TOM1L1: variants seen among roughly 807,000 people sequenced by gnomAD.
TOM1L1 encodes target of myb1 like 1 membrane trafficking protein.
TOM1L1 carries 64 observed loss-of-function variants against 63.4 expected under a neutral mutation model. The ratio of observed to expected loss-of-function variants is 1.01; its 90% CI spans 0.83 to 1.24. TOM1L1 has a LOEUF of 1.24. Ranked by LOEUF, TOM1L1 falls within the 50% of genes most tolerant of loss-of-function variation. The pLI, the probability that TOM1L1 is intolerant of heterozygous loss-of-function variation, is 0.00. For missense variants in TOM1L1, 536 were observed against 567.0 expected, an observed-to-expected ratio of 0.95 and a Z score of 0.55; for synonymous variants, 166 against 194.4, an observed-to-expected ratio of 0.85 and a Z score of 1.22.
At chr17:54,941,486 C>T (rs2049031972) in intron 11 of TOM1L1, among the ~76,000 whole-genome samples, 1 of 152,082 alleles carries the variant, frequency 6.6e-6, no homozygotes, top group African/African-American at 2.4e-5. Flanking sequence ...CTTGTTTTGG[C>T]TACATGCAAT....
rs764454143 is a variant in TOM1L1 at position 54,900,917 on chromosome 17, C to G, written c.52C>G (p.Leu18Val). 6 of 1,613,950 alleles carry G rather than the reference C, an allele frequency of 3.7e-6. No homozygotes were observed. The Admixed American group carries it at 1.0e-4, about 27-fold the overall frequency. ...TCCCTACGCGACCTCCGTGGGCCACCTCATAGGTAAGGAGGCGCGGGGAGA... is the reference window on the plus strand; with the variant it reads ...TCCCTACGCGACCTCCGTGGGCCACGTCATAGGTAAGGAGGCGCGGGGAGA... ...RDPYATSVGH[L>V]IEKATFAGVQ... The change falls in exon 1 of 16, where the codon CTC becomes GTC. Residue 18 changes from leucine to valine, a missense_variant. By Grantham distance (32) the Leu-to-Val change is conservative. Coordinates refer to ENST00000575882, the MANE Select transcript of TOM1L1 (RefSeq NM_005486.3).
chr17:54,911,689 C>CT (rs1177295847), intron 3 of TOM1L1, among the ~76,000 whole-genome samples: 1 of 152,134 alleles, frequency 6.6e-6, no homozygotes, highest in African/African-American at 2.4e-5. Context: ...TAGTTTAGGC[C>CT]TTTTCTATAA....
At chr17:54,922,472 A>G (rs2048700612) in intron 7 of TOM1L1, among the ~76,000 whole-genome samples, 1 of 151,968 alleles carries the variant, frequency 6.6e-6, no homozygotes, top group South Asian at 2.1e-4. Context: ...GCATGGTGGT[A>G]CATGCCTGTG....
At chr17:54,934,865 A>G (rs1490719339) in intron 8 of TOM1L1, among the ~76,000 whole-genome samples, 1 of 151,970 alleles carries the variant, frequency 6.6e-6, no homozygotes, top group Non-Finnish European at 1.5e-5. Flanking sequence ...TTAGAGACAC[A>G]TGCCACCACG....
At chr17:54,953,341 C>T (rs2049330189) in intron 14 of TOM1L1, 1 of 152,408 alleles carries the variant, frequency 6.6e-6, no homozygotes, top group Admixed American at 6.5e-5. Flanking sequence ...TGCACTCCAG[C>T]CTGGGTAACA....
At chr17:54,923,889 G>C (rs1220624446) in intron 7 of TOM1L1, among the ~76,000 whole-genome samples, 1 of 152,084 alleles carries the variant, frequency 6.6e-6, no homozygotes, top group South Asian at 2.1e-4. Flanking sequence ...GGAGGTTGAG[G>C]CAGTGAGCTG....
intron 7 of TOM1L1, among the ~76,000 whole-genome samples, chr17:54,923,390 C>T (rs1430776392): frequency 1.3e-5 from 2 of 151,824 alleles, no homozygotes; most frequent in Admixed American, 6.6e-5. Flanking sequence ...ACAATGAATA[C>T]TTGTTATTTT....
At chr17:54,921,353 A>G (rs951045426) in intron 7 of TOM1L1, among the ~76,000 whole-genome samples, 6 of 152,222 alleles carry the variant, frequency 3.9e-5, no homozygotes, top group African/African-American at 7.2e-5. Context: ...CAAATTCTAT[A>G]TAGCATTTTT....
At chr17:54,960,077 A>G (rs1041556850) in intron 14 of TOM1L1, among the ~76,000 whole-genome samples, 2 of 152,070 alleles carry the variant, frequency 1.3e-5, no homozygotes, top group African/African-American at 4.8e-5. Context: ...AATTGCAACA[A>G]TAAGGCCGGG....
intron 8 of TOM1L1, among the ~76,000 whole-genome samples, chr17:54,931,976 GTTTT>G (rs2048869450): frequency 1.9e-4 from 23 of 124,114 alleles, no homozygotes; most frequent in South Asian, 1.1e-3. Context: ...TTGTTTGTTT[GTTTT>G]TTTGAGATGG....
chr17:54,953,623 A>T (rs2049345477), intron 14 of TOM1L1: 1 of 152,250 alleles, frequency 6.6e-6, no homozygotes, highest in South Asian at 2.1e-4. Context: ...CAGTGTAGGC[A>T]GGCCCTGAGT....
At chr17:54,947,401 C>T in intron 12 of TOM1L1, 89 bp downstream of exon 12, 2 of 1,442,846 alleles carry the variant, frequency 1.4e-6, no homozygotes, top group African/African-American at 2.8e-5. Flanking sequence ...TTCCCATGTT[C>T]TGCTCAGTAT....
intron 7 of TOM1L1, among the ~76,000 whole-genome samples, chr17:54,925,231 C>T (rs1161698686): frequency 6.6e-6 from 1 of 151,848 alleles, no homozygotes; most frequent in Admixed American, 6.6e-5. Flanking sequence ...ATTACATAGA[C>T]AAGAAGAGGG....
intron 3 of TOM1L1, among the ~76,000 whole-genome samples, chr17:54,909,123 G>T (rs12939005): frequency 0.2 from 30,287 of 152,064 alleles, 3,211 homozygotes; most frequent in South Asian, 0.26. Context: ...GCCAGTCATG[G>T]TGGCATGTGA....
At chr17:54,949,018 A>T (rs2049166124) in intron 12 of TOM1L1, among the ~76,000 whole-genome samples, 1 of 152,166 alleles carries the variant, frequency 6.6e-6, no homozygotes, top group Non-Finnish European at 1.5e-5. Context: ...TTAGGCATAA[A>T]ATCAGACAAA....
chr17:54,920,418 T>C (rs1007924094), intron 7 of TOM1L1, among the ~76,000 whole-genome samples: 2 of 152,100 alleles, frequency 1.3e-5, no homozygotes, highest in Non-Finnish European at 2.9e-5. Flanking sequence ...CCAAATCCCA[T>C]TGAAATGACA....
intron 7 of TOM1L1, among the ~76,000 whole-genome samples, chr17:54,919,725 T>C (rs979008033): frequency 6.6e-6 from 1 of 152,206 alleles, no homozygotes; most frequent in African/African-American, 2.4e-5. Context: ...AATGTTATTT[T>C]TCTTTGTATA....
chr17:54,903,211 A>G (rs2048355579), intron 1 of TOM1L1, among the ~76,000 whole-genome samples: 1 of 151,888 alleles, frequency 6.6e-6, no homozygotes, highest in Non-Finnish European at 1.5e-5. Context: ...AATTATTTTT[A>G]AAAACAAACA....
chr17:54,921,085 G>T (rs2048676103), intron 7 of TOM1L1, among the ~76,000 whole-genome samples: 1 of 152,150 alleles, frequency 6.6e-6, no homozygotes, highest in African/African-American at 2.4e-5. Flanking sequence ...TCCCCATCTT[G>T]TTTGCACCCC....
Sources: gnomAD v4.1 joint callset for allele counts (sites outside exome capture counted in the v4.1 genomes callset) on GRCh38, gnomAD v4.1.1 for gene constraint, MANE v1.5 for transcripts, NCBI Gene and HGNC (gene_info 2026-07-23, HGNC 2026-07-21) for gene names.